The following SARS2 variants were observed in gnomAD, a reference collection of about 807,000 sequenced individuals.
SARS2 encodes serine--tRNA ligase, mitochondrial.
A neutral mutation model predicts 66.8 loss-of-function variants in SARS2; 52 were observed. That is an observed-to-expected ratio of 0.78 (90% confidence interval 0.62 to 0.98). SARS2 has a LOEUF of 0.98. SARS2 is among the 50% of genes least tolerant of loss of function. The pLI, the probability that SARS2 is intolerant of heterozygous loss-of-function variation, is 0.00. For missense variants in SARS2, 673 were observed against 706.3 expected, an observed-to-expected ratio of 0.95 and a Z score of 0.53; for synonymous variants, 306 against 281.4, an observed-to-expected ratio of 1.09 and a Z score of -0.87.
rs770312701 is a variant in SARS2, at chr19:38,921,398, T to G, written c.583A>C (p.Lys195Gln). 2.5e-6 allele frequency: 4 copies of G among 1,613,510 alleles called. No homozygotes were observed. The highest frequency in any genetic ancestry group is 3.4e-6 in the Non-Finnish European group (4 of 1,179,958). ...QARVLHMVGD[K>Q]PVFSFQPRGH... ...GGCCTGGGGTGTGGCCCACCTGGCT[T>G]GTCTCCGACCATGTGGAGCACTCGA... The change falls in exon 5 of 16, where the codon AAG becomes CAG. Residue 195 changes from lysine to glutamine, a missense_variant. Transcript: ENST00000221431.
In SARS2 at chr19:38,915,392, C is replaced by T. The variant is rs1253646028; in HGVS notation, c.*214G>A. ...CCGTAAAGCCCAGACGTCCTGCTTC[C>T]CACTGGGACCCTCAATGATAACAGG... On this transcript the variant is annotated 3_prime_UTR_variant, in exon 16 of 16. Coordinates refer to ENST00000221431, the MANE Select transcript of SARS2 (RefSeq NM_017827.4). 5.0e-6 allele frequency: 3 copies of T among 599,692 alleles called. No homozygotes were observed. Among genetic ancestry groups the T allele is most frequent in the Non-Finnish European group, 8.9e-6 (3 of 337,422 alleles). The allele number at this position is 599,692 out of a possible 1,614,324, so 37.1% of individuals were successfully genotyped here.
intron 2 of SARS2, among the ~76,000 whole-genome samples, chr19:38,922,998 G>A (rs1258615933): frequency 6.6e-6 from 1 of 151,082 alleles, no homozygotes; most frequent in Non-Finnish European, 1.5e-5. Context: ...CCACCTCCTG[G>A]GTTCACGCCA....
rs780950320 is a variant in SARS2, at chr19:38,919,872, G to A, written c.654-5C>T. 6.2e-7 allele frequency: 1 copy of A among 1,612,226 alleles called. No homozygotes were observed. The highest frequency in any genetic ancestry group is 8.5e-7 in the Non-Finnish European group (1 of 1,178,486). Reference sequence around the variant, plus strand: ...CCAGACACGTGGGACAGGCGCCTGGGAGACAGACAGACAGGCGGGTGCACA... The same window carrying A: ...CCAGACACGTGGGACAGGCGCCTGGAAGACAGACAGACAGGCGGGTGCACA... On this transcript the variant is annotated splice_polypyrimidine_tract_variant and splice_region_variant and intron_variant, in intron 6 of 15. Transcript: ENST00000221431.
Position 38,916,163 on chromosome 19 carries a change from G to T in SARS2, c.1255-34C>A, listed in dbSNP as rs759922331. 5 of 1,613,566 alleles carry T rather than the reference G, an allele frequency of 3.1e-6. No homozygotes were observed. In the South Asian group the frequency reaches 5.5e-5, roughly 18 times the overall value. On this transcript the variant is annotated intron_variant, in intron 13 of 15. Transcript: ENST00000221431. ...GAGGAGCGGCAGGCTGAGCGGATCA[G>T]GGATGGGGGGCAGGCCTGTCCTCCT...
chr19:38,918,156 C>T lies in SARS2; in HGVS notation c.917-17G>A. The T allele has an allele frequency of 1.3e-6, 2 of 1,585,306 alleles. No homozygotes were observed. Among genetic ancestry groups the T allele is most frequent in the Non-Finnish European group, 1.7e-6 (2 of 1,165,812 alleles). On this transcript the variant is annotated splice_polypyrimidine_tract_variant and intron_variant, in intron 9 of 15. Transcript: ENST00000221431. ...TGAAGTAGCCTGGGAGGAGAGACCA[C>T]AGGGTGAGCCAGGGCTGCCAGTGCC...
Position 38,917,966 on chromosome 19 carries a change from C to T in SARS2, c.1005G>A (p.Thr335=), listed in dbSNP as rs200211859. 33 of 1,607,440 alleles carry T rather than the reference C, an allele frequency of 2.1e-5. No individual in the cohort carries two copies. In the African/African-American group the frequency reaches 2.3e-4, roughly 11 times the overall value. The change falls in exon 11 of 16, where the codon ACG becomes ACA. Residue 335 remains threonine (T), a synonymous_variant. Transcript: ENST00000221431. ...SSTCYRAETN[T]GQEPRGLYRV... ...GATACAGCCCCCGGGGTTCCTGTCC[C>T]GTGTTTGTCTCTGCCCGGTAGCAGG...
intron 6 of SARS2, 56 bp downstream of exon 6, chr19:38,920,030 C>T (rs1482108110): frequency 4.7e-6 from 7 of 1,485,580 alleles, no homozygotes; most frequent in Middle Eastern, 3.5e-4. Context: ...CAGGAGCCAG[C>T]TGTCGGGGTG....
At chr19:38,928,682 T>C (rs1487572508) in intron 1 of SARS2, among the ~76,000 whole-genome samples, 1 of 152,152 alleles carries the variant, frequency 6.6e-6, no homozygotes, top group East Asian at 1.9e-4. Flanking sequence ...CTCCAGGCTT[T>C]TGTATATTCT....
At position 38,930,679 on chromosome 19, in the gene SARS2, G is replaced by T. The variant is rs780545639; in HGVS notation, c.58C>A (p.Pro20Thr). Residue 20 changes from proline (P) to threonine (T), a missense_variant, in exon 1 of 16, where the codon CCC becomes ACC. By Grantham distance (38) the Pro-to-Thr change is conservative. Coordinates refer to ENST00000221431, the MANE Select transcript of SARS2 (RefSeq NM_017827.4). ...TCGTTGGAGATGCAGCCTCCCCGGGGCCGGAACCCCCGACGAGTCAGCAAA... is the reference window on the plus strand; with the variant it reads ...TCGTTGGAGATGCAGCCTCCCCGGGTCCGGAACCCCCGACGAGTCAGCAAA... ...WPLLTRRGFR[P>T]RGGCISNDSP... 6.2e-7 allele frequency: 1 copy of T among 1,614,040 alleles called. No individual in the cohort carries two copies. Among genetic ancestry groups the T allele is most frequent in the Non-Finnish European group, 8.5e-7 (1 of 1,180,038 alleles).
At chr19:38,930,218 A>C (rs1974708804) in intron 1 of SARS2, 2 of 531,524 alleles carry the variant, frequency 3.8e-6, no homozygotes, top group Non-Finnish European at 6.7e-6. Context: ...GACAGGAGGT[A>C]CCCAGCGAGC....
intron 5 of SARS2, 128 bp from the exon 6 acceptor site, chr19:38,920,277 A>T: frequency 1.3e-6 from 1 of 751,878 alleles, no homozygotes. Flanking sequence ...GGAGGAGAGA[A>T]GGGAGAAGAA....
In SARS2 at chr19:38,922,965, G is replaced by A. The variant is rs1337940741; in HGVS notation, c.364-698C>T. Among the ~76,000 whole-genome samples, 9 of 150,452 alleles carry A rather than the reference G, an allele frequency of 6.0e-5. No individual in the cohort carries two copies. In the East Asian group the frequency reaches 1.4e-3, roughly 23 times the overall value. On this transcript the variant is annotated intron_variant, in intron 2 of 15. Transcript: ENST00000221431. ...GTCGCCCAGGCTGGAGTGCAATGGC[G>A]CGATCTTGGCTCACTGCAAGCTCCA... is the stretch of plus-strand genomic sequence containing the variant.
chr19:38,925,740 G>A (rs1406502652), intron 2 of SARS2, among the ~76,000 whole-genome samples: 3 of 152,148 alleles, frequency 2.0e-5, no homozygotes, highest in African/African-American at 7.2e-5. Context: ...TGGAAGAACC[G>A]CTAATTAATC....
At chr19:38,919,670 G>A in intron 7 of SARS2, 92 bp downstream of exon 7, 1 of 938,092 alleles carries the variant, frequency 1.1e-6, no homozygotes, top group Non-Finnish European at 1.8e-6. Context: ...AGTGACTAGG[G>A]CAGAGCAGAG....
At chr19:38,917,256 G>A (rs574712509) in intron 12 of SARS2, among the ~76,000 whole-genome samples, 94 of 152,290 alleles carry the variant, frequency 6.2e-4, no homozygotes, top group African/African-American at 9.9e-4. Flanking sequence ...CACCACACCC[G>A]GCTTACGCTC....
chr19:38,915,911 G>T lies in SARS2; in HGVS notation c.1348-5C>A, dbSNP rs764680670. 1 of 1,613,764 alleles carries T rather than the reference G, an allele frequency of 6.2e-7. No homozygotes were observed. The highest frequency in any genetic ancestry group is 8.5e-7 in the Non-Finnish European group (1 of 1,179,958). The stretch of plus-strand genomic sequence containing the variant: ...AGCACAGGCGGTGGCGTTCACCTGT[G>T]AGACAGCCATGCTCGGAACTGGCGC... On this transcript the variant is annotated splice_polypyrimidine_tract_variant and splice_region_variant and intron_variant, in intron 14 of 15. Coordinates refer to ENST00000221431, the MANE Select transcript of SARS2 (RefSeq NM_017827.4).
Position 38,926,185 on chromosome 19 carries a change from A to T in SARS2, c.363+20T>A. The stretch of plus-strand genomic sequence containing the variant: ...ACACCCTCGTGGCCACTCCCCACCT[A>T]CTCAGGGCACCATGCTCACCAGCAG... On this transcript the variant is annotated intron_variant, in intron 2 of 15. Transcript: ENST00000221431. 6.3e-7 allele frequency: 1 copy of T among 1,597,004 alleles called. No homozygotes were observed.
Position 38,915,848 on chromosome 19 carries a change from T to C in SARS2, c.1406A>G (p.Gln469Arg). ...GGCCCCTCAGCCCCTCACCTTCTGCTGGTTACTCTCCAGGAGCGCGATGAG... is the reference window on the plus strand; with the variant it reads ...GGCCCCTCAGCCCCTCACCTTCTGCCGGTTACTCTCCAGGAGCGCGATGAG... ...RLLIALLESN[Q>R]QKDGSVLVPP... Residue 469 changes from glutamine to arginine, a missense_variant, in exon 15 of 16, where the codon CAG becomes CGG. By Grantham distance (43) the Gln-to-Arg change is conservative. Transcript: ENST00000221431. The C allele has an allele frequency of 6.2e-7, 1 of 1,613,776 alleles. No individual in the cohort carries two copies. The highest frequency in any genetic ancestry group is 8.5e-7 in the Non-Finnish European group (1 of 1,179,984).
At position 38,918,858 on chromosome 19, in the gene SARS2, A is replaced by G. The variant is rs756477524; in HGVS notation, c.760-45T>C. 9 of 1,540,232 alleles carry G rather than the reference A, an allele frequency of 5.8e-6. No homozygotes were observed. The East Asian group carries it at 1.7e-4, about 29-fold the overall frequency. On this transcript the variant is annotated intron_variant, in intron 7 of 15. Transcript: ENST00000221431. The stretch of plus-strand genomic sequence containing the variant: ...AGTGAGCAGAGCTGGGACCCCTACC[A>G]GACCCCAAGCTCAGCCCTGAAGAAG...
Sources: gnomAD v4.1 joint callset for allele counts (sites outside exome capture counted in the v4.1 genomes callset) on GRCh38, gnomAD v4.1.1 for gene constraint, MANE v1.5 for transcripts, NCBI Gene and HGNC (gene_info 2026-07-23, HGNC 2026-07-21) for gene names.